ACY3: variants seen among roughly 807,000 people sequenced by gnomAD.
The protein encoded by ACY3 is aminoacylase 3.
In ACY3, 20 loss-of-function variants were observed where a neutral mutation model predicts 24.6. The observed-to-expected ratio is 0.81, with a 90% confidence interval of 0.57 to 1.18. The LOEUF is 1.18. Among genes scored for constraint, ACY3 ranks in the 50% most tolerant of loss-of-function variants. ACY3 has a pLI of 0.00. For synonymous variants in ACY3, 174 were observed against 188.4 expected (o/e 0.92, Z 0.62); for missense variants, 423 against 426.8 (o/e 0.99, Z 0.08).
intron 4 of ACY3, 101 bp downstream of exon 4, chr11:67,645,591 G>A (rs1053394972): frequency 1.6e-5 from 22 of 1,412,232 alleles, no homozygotes; most frequent in Non-Finnish European, 1.4e-5. Flanking sequence ...AACTAGGCCC[G>A]GGGAAGAGGG....
chr11:67,649,852 G>A (rs1855593108), intron 1 of ACY3, among the ~76,000 whole-genome samples: 1 of 151,170 alleles, frequency 6.6e-6, no homozygotes, highest in African/African-American at 2.4e-5. Context: ...GTGCGTGTGT[G>A]CATGAGAGTG....
intron 4 of ACY3, 98 bp downstream of exon 4, chr11:67,645,594 G>T: frequency 1.4e-6 from 2 of 1,431,462 alleles, no homozygotes; most frequent in Non-Finnish European, 1.9e-6. Context: ...TAGGCCCGGG[G>T]AAGAGGGGCT....
At chr11:67,642,968 C>CT in intron 7 of ACY3, 29 bp from the exon 8 acceptor site, 1 of 1,600,386 alleles carries the variant, frequency 6.2e-7, no homozygotes, top group Non-Finnish European at 8.5e-7. Flanking sequence ...GCCAAGATTG[C>CT]TGGGGCCACC....
intron 6 of ACY3, 69 bp from the exon 7 acceptor site, chr11:67,644,938 G>A: frequency 3.2e-6 from 5 of 1,584,286 alleles, no homozygotes; most frequent in Non-Finnish European, 4.3e-6. Flanking sequence ...GGCCGTGGGG[G>A]TACGTCAGGG....
In ACY3 at chr11:67,645,683, C is replaced by G. The variant is rs373513063; in HGVS notation, c.432+9G>C. ...CTCTGGGGAGCTGTGTGCTTGGGGC[C>G]GGGGCCACCTGCAGATGGCGGCACA... On this transcript the variant is annotated intron_variant, in intron 4 of 7. Transcript: ENST00000255082. 1 of 1,590,012 alleles carries G rather than the reference C, an allele frequency of 6.3e-7. No individual in the cohort carries two copies.
At position 67,650,654 on chromosome 11, in the gene ACY3, A is replaced by G. The variant is rs1418446095; in HGVS notation, c.-166T>C. The G allele has an allele frequency of 1.3e-5, 2 of 152,054 alleles. No homozygotes were observed. The highest frequency in any genetic ancestry group is 3.9e-4 in the East Asian group (2 of 5,170). 9.4% of individuals were successfully genotyped at this position (152,054 alleles called of 1,614,324 possible). A position where few individuals can be genotyped will look rare whatever the true frequency, so the allele number is the denominator to read the frequency against. ...TTGCTGCGTGGCCCGTGGGGCTGTC[A>G]CTCCGCCCTACCCCCGAAACAGCGG... On this transcript the variant is annotated 5_prime_UTR_variant, in exon 1 of 8. Transcript: ENST00000255082.
chr11:67,649,887 C>A (rs113872566), intron 1 of ACY3, among the ~76,000 whole-genome samples: 3 of 146,552 alleles, frequency 2.0e-5, no homozygotes, highest in African/African-American at 7.6e-5. Flanking sequence ...TGCATGTGTG[C>A]ATGTGCTTGA....
chr11:67,650,008 G>T (rs1211831997), intron 1 of ACY3, among the ~76,000 whole-genome samples: 2 of 152,246 alleles, frequency 1.3e-5, no homozygotes, highest in Non-Finnish European at 2.9e-5. Context: ...GACCTGGAGA[G>T]ATTCAGTGCC....
chr11:67,650,265 G>C (rs530270874), intron 1 of ACY3, among the ~76,000 whole-genome samples: 85 of 152,212 alleles, frequency 5.6e-4, no homozygotes, highest in Non-Finnish European at 1.1e-3. Flanking sequence ...ATTAGATCAT[G>C]CCTCCCAGCA....
chr11:67,643,361 C>T (rs759659841), intron 7 of ACY3, among the ~76,000 whole-genome samples: 13 of 152,218 alleles, frequency 8.5e-5, no homozygotes, highest in African/African-American at 1.7e-4. Flanking sequence ...GTCTGGCACA[C>T]GGTAAGTACA....
At position 67,644,802 on chromosome 11, in the gene ACY3, G is replaced by A. The variant is rs373958978; in HGVS notation, c.702C>T (p.Thr234=). 7.3e-5 allele frequency: 114 copies of A among 1,567,876 alleles called. 1 individual carries two copies. Among genetic ancestry groups the A allele is most frequent in the Middle Eastern group, 5.1e-4 (3 of 5,830 alleles). The part of the protein sequence containing the change: ...RPVGVVDFPR[T]EAGHLAGTVH... ...CAGTGCCTGCCAGGTGCCCGGCCTC[G>A]GTGCGGGGGAAGTCCACGACGCCCA... The change falls in exon 7 of 8, where the codon ACC becomes ACT. Residue 234 remains threonine (T), a synonymous_variant. Coordinates refer to ENST00000255082, the MANE Select transcript of ACY3 (RefSeq NM_080658.2).
Position 67,646,807 on chromosome 11 carries a change from C to T in ACY3, c.236+1G>A, listed in dbSNP as rs775346579. ...GCCAACCTGGCGGCAAAAGCACTCA[C>T]TTGAGGAAGCTGCTGGTGAAGGTGC... On this transcript the variant is annotated splice_donor_variant, in intron 3 of 7. Transcript: ENST00000255082. LOFTEE classifies it high-confidence loss of function. The T allele has an allele frequency of 6.2e-7, 1 of 1,612,552 alleles. No individual in the cohort carries two copies. Among genetic ancestry groups the T allele is most frequent in the South Asian group, 1.1e-5 (1 of 90,932 alleles).
chr11:67,644,847 C>T lies in ACY3; in HGVS notation c.657G>A (p.Glu219=), dbSNP rs1855479650. 6.3e-7 allele frequency: 1 copy of T among 1,596,010 alleles called. No homozygotes were observed. Among genetic ancestry groups the T allele is most frequent in the African/African-American group, 1.3e-5 (1 of 74,556 alleles). ...CGCCCACGGGTCTATAGGCTTCCATCTCAAAGGCAGGAAAGGCCGTACCTG... is the reference window on the plus strand; with the variant it reads ...CGCCCACGGGTCTATAGGCTTCCATTTCAAAGGCAGGAAAGGCCGTACCTG... ...FNQGTAFPAF[E]MEAYRPVGVV... The change falls in exon 7 of 8, where the codon GAG becomes GAA. Residue 219 remains glutamate (E), a synonymous_variant. Coordinates refer to ENST00000255082, the MANE Select transcript of ACY3 (RefSeq NM_080658.2).
At chr11:67,645,596 A>G (rs1855499946) in intron 4 of ACY3, 96 bp downstream of exon 4, 1 of 1,427,892 alleles carries the variant, frequency 7.0e-7, no homozygotes. Flanking sequence ...GGCCCGGGGA[A>G]GAGGGGCTAA....
intron 1 of ACY3, among the ~76,000 whole-genome samples, chr11:67,649,742 T>C (rs536864616): frequency 6.8e-6 from 1 of 147,774 alleles, no homozygotes; most frequent in Admixed American, 6.6e-5. Flanking sequence ...CATGTGTGCG[T>C]GTGTGCGCAT....
At chr11:67,645,975 G>A (rs1591131355) in intron 3 of ACY3, 88 bp from the exon 4 acceptor site, 3 of 1,291,242 alleles carry the variant, frequency 2.3e-6, no homozygotes, top group African/African-American at 1.5e-5. Context: ...GGCCCTGCAG[G>A]AGCCACTCTG....
At chr11:67,645,258 C>G in intron 5 of ACY3, 29 bp downstream of exon 5, 1 of 1,612,536 alleles carries the variant, frequency 6.2e-7, no homozygotes, top group Non-Finnish European at 8.5e-7. Flanking sequence ...CTCCTGGCCC[C>G]GCCCACTTCT....
At chr11:67,643,351 G>T (rs1348308405) in intron 7 of ACY3, among the ~76,000 whole-genome samples, 7 of 152,352 alleles carry the variant, frequency 4.6e-5, no homozygotes, top group Middle Eastern at 3.4e-3. Flanking sequence ...TTACAGCAGT[G>T]TCTGGCACAC....
Position 67,642,696 on chromosome 11 carries a change from G to C in ACY3, c.*28C>G. ...TCAGGACCCATCGTTCAGATGGGAA[G>C]ACTGAGGTTGGGGAGGTGTGTCTTG... is the stretch of plus-strand genomic sequence containing the variant. On this transcript the variant is annotated 3_prime_UTR_variant, in exon 8 of 8. Coordinates refer to ENST00000255082, the MANE Select transcript of ACY3 (RefSeq NM_080658.2). 2 of 1,610,006 alleles carry C rather than the reference G, an allele frequency of 1.2e-6. No homozygotes were observed. Among genetic ancestry groups the C allele is most frequent in the Non-Finnish European group, 1.7e-6 (2 of 1,176,318 alleles).
Sources: gnomAD v4.1 joint callset for allele counts (sites outside exome capture counted in the v4.1 genomes callset) on GRCh38, gnomAD v4.1.1 for gene constraint, MANE v1.5 for transcripts, NCBI Gene and HGNC (gene_info 2026-07-23, HGNC 2026-07-21) for gene names.